The following SIPA1L1 variants were observed in gnomAD, a reference collection of about 807,000 sequenced individuals.
SIPA1L1 encodes the protein signal induced proliferation associated 1 like 1.
In SIPA1L1, 26 loss-of-function variants were observed where a neutral mutation model predicts 162.7. That is an observed-to-expected ratio of 0.16 (90% CI 0.12 to 0.22). The LOEUF (loss-of-function observed/expected upper bound fraction) is 0.22. Among genes scored for constraint, SIPA1L1 ranks in the 10% least tolerant of loss-of-function variants. The pLI is 1.00. For missense variants in SIPA1L1, 1,874 were observed against 2,241.0 expected (o/e 0.84, Z 3.31); for synonymous variants, 829 against 837.4 (o/e 0.99, Z 0.17).
intron 7 of SIPA1L1, among the ~76,000 whole-genome samples, chr14:71,637,367 T>A (rs960330558): frequency 6.6e-6 from 1 of 152,152 alleles, no homozygotes; most frequent in East Asian, 1.9e-4. Context: ...TAACTTTTAT[T>A]ACATTGTATT....
At chr14:71,469,953 G>T (rs2047322500) in intron 2 of SIPA1L1, among the ~76,000 whole-genome samples, 1 of 152,170 alleles carries the variant, frequency 6.6e-6, no homozygotes, top group Non-Finnish European at 1.5e-5. Context: ...GACTTCTGCA[G>T]CCTTGCCAGT....
intron 4 of SIPA1L1, among the ~76,000 whole-genome samples, chr14:71,536,457 T>A (rs1288418829): frequency 6.6e-6 from 1 of 152,262 alleles, no homozygotes; most frequent in Non-Finnish European, 1.5e-5. Flanking sequence ...GAGAGCTTTG[T>A]CCTCTGCCCT....
At chr14:71,341,198 A>G (rs1215687395) in intron 2 of SIPA1L1, among the ~76,000 whole-genome samples, 2 of 152,240 alleles carry the variant, frequency 1.3e-5, no homozygotes. Context: ...GTGAATATAT[A>G]TAGTTAGGTG....
chr14:71,404,142 T>C (rs554438359), intron 2 of SIPA1L1, among the ~76,000 whole-genome samples: 1 of 152,300 alleles, frequency 6.6e-6, no homozygotes, highest in South Asian at 2.1e-4. Flanking sequence ...TAGTCAACTT[T>C]TTGTAAATTT....
At chr14:71,721,773 C>G (rs1276667306) in intron 17 of SIPA1L1, among the ~76,000 whole-genome samples, 2 of 152,166 alleles carry the variant, frequency 1.3e-5, no homozygotes, top group Non-Finnish European at 2.9e-5. Flanking sequence ...TGGCTGGTGT[C>G]ACATGGGGTC....
At chr14:71,437,077 C>G (rs1312838557) in intron 2 of SIPA1L1, among the ~76,000 whole-genome samples, 2 of 151,892 alleles carry the variant, frequency 1.3e-5, no homozygotes, top group Non-Finnish European at 2.9e-5. Context: ...TTTTGAATTT[C>G]TAAAAGAATA....
At chr14:71,512,979 A>G (rs1486900818) in intron 3 of SIPA1L1, 134 bp downstream of exon 3, 1 of 152,242 alleles carries the variant, frequency 6.6e-6, no homozygotes, top group African/African-American at 2.4e-5. Context: ...CACTTCCCCC[A>G]ACCCCCTCAA....
chr14:71,616,694 T>C (rs977584042), intron 5 of SIPA1L1, among the ~76,000 whole-genome samples: 1 of 152,130 alleles, frequency 6.6e-6, no homozygotes, highest in Non-Finnish European at 1.5e-5. Flanking sequence ...TTTATTTCCT[T>C]TGTGTTGTAG....
intron 5 of SIPA1L1, among the ~76,000 whole-genome samples, chr14:71,592,138 A>G (rs1293261702): frequency 6.6e-6 from 1 of 152,194 alleles, no homozygotes; most frequent in African/African-American, 2.4e-5. Context: ...TTGCAGGGAA[A>G]TTATGAGCAG....
intron 2 of SIPA1L1, among the ~76,000 whole-genome samples, chr14:71,404,871 TA>T: frequency 6.6e-6 from 1 of 152,346 alleles, no homozygotes; most frequent in Non-Finnish European, 1.5e-5. Context: ...TCCAATTCCA[TA>T]CTTCTTGTGC....
intron 2 of SIPA1L1, among the ~76,000 whole-genome samples, chr14:71,505,970 C>CA (rs199775849): frequency 3.8e-4 from 54 of 142,758 alleles, no homozygotes; most frequent in South Asian, 2.3e-3. Context: ...TCCCCCCCCC[C>CA]AAAAAAAAAA....
chr14:71,665,785 T>C (rs1055203004), intron 10 of SIPA1L1, among the ~76,000 whole-genome samples: 2 of 152,194 alleles, frequency 1.3e-5, no homozygotes, highest in Admixed American at 6.5e-5. Flanking sequence ...CCCCTATATA[T>C]ACTATGTTTG....
chr14:71,525,492 T>A, intron 3 of SIPA1L1, among the ~76,000 whole-genome samples: 1 of 152,248 alleles, frequency 6.6e-6, no homozygotes, highest in East Asian at 1.9e-4. Context: ...CTGTAGTGAC[T>A]AGATTTCAAT....
At chr14:71,365,406 C>T (rs539885700) in intron 2 of SIPA1L1, among the ~76,000 whole-genome samples, 3 of 152,076 alleles carry the variant, frequency 2.0e-5, no homozygotes, top group Admixed American at 1.3e-4. Context: ...CTCCTCTGCA[C>T]GGCCTTTTCA....
chr14:71,378,156 T>C (rs1365999749), intron 2 of SIPA1L1, among the ~76,000 whole-genome samples: 3 of 152,174 alleles, frequency 2.0e-5, no homozygotes, highest in Admixed American at 6.5e-5. Context: ...TTTGTTGATA[T>C]GGTACTTTTA....
intron 17 of SIPA1L1, among the ~76,000 whole-genome samples, chr14:71,714,730 C>T (rs1181495694): frequency 1.3e-5 from 2 of 152,130 alleles, no homozygotes; most frequent in African/African-American, 4.8e-5. Flanking sequence ...TATAGGCATG[C>T]ACCACTATGC....
intron 17 of SIPA1L1, among the ~76,000 whole-genome samples, chr14:71,717,469 C>A (rs1221641347): frequency 6.6e-6 from 1 of 152,206 alleles, no homozygotes; most frequent in Non-Finnish European, 1.5e-5. Flanking sequence ...TTTCCTGTTA[C>A]ATCTAATGCT....
At chr14:71,442,240 A>G (rs948266484) in intron 2 of SIPA1L1, among the ~76,000 whole-genome samples, 2 of 151,880 alleles carry the variant, frequency 1.3e-5, no homozygotes, top group South Asian at 4.1e-4. Context: ...CTAATTAAAA[A>G]AATTCAGAAC....
intron 2 of SIPA1L1, among the ~76,000 whole-genome samples, chr14:71,464,097 A>T (rs2046806465): frequency 6.6e-6 from 1 of 152,192 alleles, no homozygotes; most frequent in Admixed American, 6.5e-5. Flanking sequence ...GCCCTCAGCA[A>T]TCTGTTTCAC....
Sources: gnomAD v4.1 joint callset for allele counts (sites outside exome capture counted in the v4.1 genomes callset) on GRCh38, gnomAD v4.1.1 for gene constraint, MANE v1.5 for transcripts, NCBI Gene and HGNC (gene_info 2026-07-23, HGNC 2026-07-21) for gene names.